ABTB3: variants seen among roughly 807,000 people sequenced by gnomAD.
The protein encoded by ABTB3 is ankyrin repeat- and BTB/POZ domain-containing protein 3.
At chr12:107,530,968 G>A in the ABTB3 span, among the ~76,000 whole-genome samples, 1 of 152,210 alleles carries the variant, frequency 6.6e-6, no homozygotes, top group African/African-American at 2.4e-5. Context: ...TCATTGGGCT[G>A]CCTTTGAAAG....
chr12:107,621,198 G>A, the ABTB3 span, among the ~76,000 whole-genome samples: 1 of 152,168 alleles, frequency 6.6e-6, no homozygotes, highest in African/African-American at 2.4e-5. Flanking sequence ...CCCATCCTTA[G>A]CCCGGTGTCC....
the ABTB3 span, among the ~76,000 whole-genome samples, chr12:107,644,145 G>A: frequency 7.2e-5 from 11 of 152,196 alleles, no homozygotes; most frequent in African/African-American, 2.4e-4. Context: ...GTTCTAGTTA[G>A]CGATAGAGCC....
the ABTB3 span, among the ~76,000 whole-genome samples, chr12:107,326,180 C>T: frequency 6.6e-6 from 1 of 152,216 alleles, no homozygotes; most frequent in Non-Finnish European, 1.5e-5. Context: ...GCTGGGATTA[C>T]AGGCATGAGC....
the ABTB3 span, among the ~76,000 whole-genome samples, chr12:107,349,735 A>G: frequency 3.9e-5 from 6 of 152,354 alleles, no homozygotes; most frequent in African/African-American, 1.2e-4. Flanking sequence ...CAAGTATTGC[A>G]TGTTTATCTG....
At chr12:107,585,492 A>G in the ABTB3 span, among the ~76,000 whole-genome samples, 2 of 152,194 alleles carry the variant, frequency 1.3e-5, no homozygotes, top group African/African-American at 4.8e-5. Flanking sequence ...GACCTTGGGC[A>G]AGTCCCCTCC....
At chr12:107,409,944 T>A in the ABTB3 span, among the ~76,000 whole-genome samples, 1 of 152,150 alleles carries the variant, frequency 6.6e-6, no homozygotes, top group African/African-American at 2.4e-5. Flanking sequence ...TTATTAAGAT[T>A]CCCAAAATGG....
the ABTB3 span, among the ~76,000 whole-genome samples, chr12:107,517,461 T>A: frequency 1.3e-5 from 2 of 152,212 alleles, no homozygotes; most frequent in African/African-American, 4.8e-5. Flanking sequence ...CCTTGGGCAG[T>A]ATGGCCATTT....
At chr12:107,415,925 T>C in the ABTB3 span, among the ~76,000 whole-genome samples, 315 of 151,928 alleles carry the variant, frequency 2.1e-3, no homozygotes, top group Middle Eastern at 0.01. Flanking sequence ...ACTCTGACAG[T>C]CTGAGTCTGA....
the ABTB3 span, among the ~76,000 whole-genome samples, chr12:107,470,285 C>T: frequency 8.5e-5 from 13 of 152,132 alleles, no homozygotes; most frequent in East Asian, 1.7e-3. Context: ...GTGATCCACC[C>T]GCCTTACCCT....
At chr12:107,554,984 G>T in the ABTB3 span, among the ~76,000 whole-genome samples, 8 of 152,080 alleles carry the variant, frequency 5.3e-5, no homozygotes, top group Admixed American at 5.2e-4. Flanking sequence ...GCAGGGCCTC[G>T]ACTCCCCTTC....
At chr12:107,356,728 A>G in the ABTB3 span, among the ~76,000 whole-genome samples, 1 of 152,216 alleles carries the variant, frequency 6.6e-6, no homozygotes, top group Admixed American at 6.5e-5. Context: ...ATTCTGCACT[A>G]TCTCCTTTAG....
At chr12:107,528,572 T>C in the ABTB3 span, among the ~76,000 whole-genome samples, 60 of 152,286 alleles carry the variant, frequency 3.9e-4, no homozygotes, top group African/African-American at 1.4e-3. Context: ...TTAGTGACTA[T>C]TGGATTTGTT....
At chr12:107,363,807 A>C in the ABTB3 span, among the ~76,000 whole-genome samples, 1 of 152,210 alleles carries the variant, frequency 6.6e-6, no homozygotes, top group Non-Finnish European at 1.5e-5. Flanking sequence ...ATATTTATGC[A>C]TTAGTATATC....
chr12:107,492,945 G>A, the ABTB3 span, among the ~76,000 whole-genome samples: 6 of 152,192 alleles, frequency 3.9e-5, no homozygotes, highest in African/African-American at 1.4e-4. Flanking sequence ...TGTACTAGCA[G>A]TGCCACCAGC....
the ABTB3 span, among the ~76,000 whole-genome samples, chr12:107,582,421 GT>G: frequency 6.6e-6 from 1 of 152,178 alleles, no homozygotes; most frequent in Non-Finnish European, 1.5e-5. Flanking sequence ...AATTCAGGCA[GT>G]CCAGAGCCCT....
chr12:107,534,709 T>C, the ABTB3 span, among the ~76,000 whole-genome samples: 2 of 152,190 alleles, frequency 1.3e-5, no homozygotes. Context: ...GATAAATTCC[T>C]GGACACCTAC....
At chr12:107,362,487 CTAA>C in the ABTB3 span, among the ~76,000 whole-genome samples, 2 of 152,180 alleles carry the variant, frequency 1.3e-5, no homozygotes, top group Admixed American at 6.5e-5. Flanking sequence ...ATACTGTTCT[CTAA>C]TAATAACAAT....
chr12:107,435,433 A>G, the ABTB3 span, among the ~76,000 whole-genome samples: 1 of 152,214 alleles, frequency 6.6e-6, no homozygotes, highest in Non-Finnish European at 1.5e-5. Flanking sequence ...CATACTTAAC[A>G]TATTTTGAAA....
At chr12:107,353,539 G>A in the ABTB3 span, among the ~76,000 whole-genome samples, 1 of 152,100 alleles carries the variant, frequency 6.6e-6, no homozygotes, top group East Asian at 1.9e-4. Flanking sequence ...ATGAAATGGG[G>A]GTGATTATAC....
Sources: gnomAD v4.1 joint callset for allele counts (sites outside exome capture counted in the v4.1 genomes callset) on GRCh38, gnomAD v4.1.1 for gene constraint, MANE v1.5 for transcripts, NCBI Gene and HGNC (gene_info 2026-07-23, HGNC 2026-07-21) for gene names.